TRIO: variants seen among roughly 807,000 people sequenced by gnomAD.
The protein encoded by TRIO is trio Rho guanine nucleotide exchange factor.
A neutral mutation model predicts 351.9 loss-of-function variants in TRIO; 58 were observed. The observed-to-expected ratio is 0.16, with a 90% CI of 0.13 to 0.21. TRIO has a LOEUF of 0.21. Ranked by LOEUF, TRIO falls within the 10% of genes least tolerant of loss-of-function variation. The probability of loss-of-function intolerance (pLI) is 1.00; values close to 1 mark genes in which losing one functional copy is unlikely to be tolerated. For synonymous variants in TRIO, 1,758 were observed against 1,595.7 expected, an observed-to-expected ratio of 1.10 and a Z score of -2.42; for missense variants, 3,201 against 4,027.8, an observed-to-expected ratio of 0.79 and a Z score of 5.56.
At chr5:14,327,284 C>T (rs929170571) in intron 9 of TRIO, among the ~76,000 whole-genome samples, 1 of 152,180 alleles carries the variant, frequency 6.6e-6, no homozygotes, top group Non-Finnish European at 1.5e-5. Context: ...CCTGCCTCAG[C>T]CTCCCAAGTA....
chr5:14,455,214 C>T (rs1753187142), intron 34 of TRIO, among the ~76,000 whole-genome samples: 1 of 152,174 alleles, frequency 6.6e-6, no homozygotes, highest in Non-Finnish European at 1.5e-5. Flanking sequence ...CTTTTATTCC[C>T]TTATCTGACC....
intron 2 of TRIO, among the ~76,000 whole-genome samples, chr5:14,275,940 C>CTA (rs886843180): frequency 1.4e-5 from 2 of 144,064 alleles, no homozygotes; most frequent in Non-Finnish European, 3.0e-5. Context: ...ATATGTGTGT[C>CTA]TATATATATA....
chr5:14,267,294 A>G (rs970744664), intron 1 of TRIO, among the ~76,000 whole-genome samples: 9 of 152,054 alleles, frequency 5.9e-5, no homozygotes, highest in African/African-American at 2.2e-4. Context: ...AGAAGTAGAA[A>G]TGTTGCTGAC....
At chr5:14,467,399 C>A (rs1754337705) in intron 37 of TRIO, among the ~76,000 whole-genome samples, 1 of 152,102 alleles carries the variant, frequency 6.6e-6, no homozygotes, top group South Asian at 2.1e-4. Flanking sequence ...TGTCACCCTG[C>A]CATAGCTAGA....
chr5:14,222,450 A>G (rs999862095), intron 1 of TRIO, among the ~76,000 whole-genome samples: 1 of 152,132 alleles, frequency 6.6e-6, no homozygotes, highest in Non-Finnish European at 1.5e-5. Flanking sequence ...TTTCATCGCA[A>G]CCTCATTTTG....
intron 25 of TRIO, among the ~76,000 whole-genome samples, chr5:14,389,759 T>C (rs766214457): frequency 6.6e-6 from 1 of 152,180 alleles, no homozygotes; most frequent in Non-Finnish European, 1.5e-5. Flanking sequence ...TGCTCTCTTA[T>C]AGTAAGAGAA....
intron 27 of TRIO, 31 bp downstream of exon 27, chr5:14,391,021 T>C: frequency 1.3e-6 from 2 of 1,543,454 alleles, no homozygotes; most frequent in Non-Finnish European, 1.7e-6. Flanking sequence ...GAGACCATAA[T>C]TTTCCAAGTT....
chr5:14,439,577 ATTTCCT>A (rs1397137271), intron 34 of TRIO, among the ~76,000 whole-genome samples: 1 of 152,186 alleles, frequency 6.6e-6, no homozygotes, highest in Non-Finnish European at 1.5e-5. Flanking sequence ...AATTAACTTG[ATTTCCT>A]TTAGGTCATA....
rs556798051 is a variant in TRIO at position 14,145,024 on chromosome 5, C to T, written c.157+1142C>T. On this transcript the variant is annotated intron_variant, in intron 1 of 56. Coordinates refer to ENST00000344204, the MANE Select transcript of TRIO (RefSeq NM_007118.4). Reference sequence around the variant, plus strand: ...GAGAGCGGAGGAGGGCGGGCCAGGTCCGGGCCTGGAGAGGCGGGCGGGGGT... The same window carrying T: ...GAGAGCGGAGGAGGGCGGGCCAGGTTCGGGCCTGGAGAGGCGGGCGGGGGT... Among the ~76,000 whole-genome samples the T allele has an allele frequency of 4.3e-3, 661 of 152,104 alleles. 7 individuals carry two copies. Among genetic ancestry groups the T allele is most frequent in the African/African-American group, 0.015 (634 of 41,502 alleles).
Position 14,467,364 on chromosome 5 carries a change from A to C in TRIO, c.5763+1724A>C, listed in dbSNP as rs80196746. On this transcript the variant is annotated intron_variant, in intron 37 of 56. Coordinates refer to ENST00000344204, the MANE Select transcript of TRIO (RefSeq NM_007118.4). ...TGGTTGACTGAGTCAAATGGGAATT[A>C]TATAAAGAAAAATTTGGACTGACGT... Among the ~76,000 whole-genome samples, 4 of 152,340 alleles carry C rather than the reference A, an allele frequency of 2.6e-5. No individual in the cohort carries two copies. In the East Asian group the frequency reaches 7.7e-4, roughly 29 times the overall value.
intron 13 of TRIO, among the ~76,000 whole-genome samples, chr5:14,363,134 G>T (rs1744299477): frequency 6.6e-6 from 1 of 151,922 alleles, no homozygotes; most frequent in South Asian, 2.1e-4. Flanking sequence ...AAGTAGCTGG[G>T]ACTACAGGCA....
intron 20 of TRIO, 48 bp from the exon 21 acceptor site, chr5:14,381,082 C>G (rs1354255481): frequency 6.3e-7 from 1 of 1,580,832 alleles, no homozygotes; most frequent in African/African-American, 1.4e-5. Flanking sequence ...TTGGGCTCCT[C>G]TCAGGAATGT....
chr5:14,418,473 G>A (rs1356956562), intron 33 of TRIO, among the ~76,000 whole-genome samples: 2 of 152,160 alleles, frequency 1.3e-5, no homozygotes, highest in Non-Finnish European at 2.9e-5. Context: ...ACATCTGCTC[G>A]ACAGCATTTG....
intron 21 of TRIO, among the ~76,000 whole-genome samples, chr5:14,382,855 C>A (rs964384757): frequency 6.9e-6 from 1 of 144,464 alleles, no homozygotes; most frequent in East Asian, 2.0e-4. Context: ...GTGTGTGTGT[C>A]TGTGTGTGTG....
chr5:14,466,083 A>G (rs1754238215), intron 37 of TRIO: 1 of 185,864 alleles, frequency 5.4e-6, no homozygotes, highest in South Asian at 1.2e-4. Flanking sequence ...CTGCCCCTCC[A>G]GAGATCAAGA....
At chr5:14,312,611 G>A (rs1183112989) in intron 8 of TRIO, among the ~76,000 whole-genome samples, 5 of 152,144 alleles carry the variant, frequency 3.3e-5, no homozygotes, top group African/African-American at 1.2e-4. Flanking sequence ...TTTTGCAGCT[G>A]TTGTCTCTTT....
chr5:14,449,979 C>T (rs868214725), intron 34 of TRIO, among the ~76,000 whole-genome samples: 1 of 152,146 alleles, frequency 6.6e-6, no homozygotes, highest in African/African-American at 2.4e-5. Context: ...ATTAGCATTC[C>T]CCTTCCAAGA....
At chr5:14,343,714 G>A (rs150959971) in intron 11 of TRIO, among the ~76,000 whole-genome samples, 1 of 152,352 alleles carries the variant, frequency 6.6e-6, no homozygotes, top group East Asian at 1.9e-4. Context: ...GAAATACACA[G>A]AAATTATGAA....
At chr5:14,338,805 A>G (rs1332879364) in intron 11 of TRIO, among the ~76,000 whole-genome samples, 1 of 152,080 alleles carries the variant, frequency 6.6e-6, no homozygotes, top group Non-Finnish European at 1.5e-5. Flanking sequence ...CCAAATCGAG[A>G]GGAAGGGGCA....
Sources: gnomAD v4.1 joint callset for allele counts (sites outside exome capture counted in the v4.1 genomes callset) on GRCh38, gnomAD v4.1.1 for gene constraint, MANE v1.5 for transcripts, NCBI Gene and HGNC (gene_info 2026-07-23, HGNC 2026-07-21) for gene names.